ITPK1: variants seen among roughly 807,000 people sequenced by gnomAD.
The protein encoded by ITPK1 is inositol-tetrakisphosphate 1-kinase, also known as inositol 1,3,4-trisphosphate 5/6-kinase.
ITPK1 carries 21 observed loss-of-function variants against 45.3 expected under a neutral mutation model. The ratio of observed to expected loss-of-function variants is 0.46; its 90% CI spans 0.33 to 0.67. The LOEUF (loss-of-function observed/expected upper bound fraction) is 0.67, where lower values mean the gene tolerates loss of function less well. Ranked by LOEUF, ITPK1 falls within the 30% of genes least tolerant of loss-of-function variation. The probability of loss-of-function intolerance (pLI) is 0.02; values close to 1 mark genes in which losing one functional copy is unlikely to be tolerated. For missense variants in ITPK1, 474 were observed against 573.5 expected, an observed-to-expected ratio of 0.83 and a Z score of 1.77; for synonymous variants, 258 against 253.6, an observed-to-expected ratio of 1.02 and a Z score of -0.16.
intron 8 of ITPK1, among the ~76,000 whole-genome samples, chr14:92,952,613 T>C (rs1004723622): frequency 2.0e-5 from 3 of 152,202 alleles, no homozygotes; most frequent in African/African-American, 4.8e-5. Flanking sequence ...AATTTCTCTT[T>C]GGCAACGGAA....
At chr14:93,002,667 G>GA (rs946938111) in intron 4 of ITPK1, among the ~76,000 whole-genome samples, 7 of 151,894 alleles carry the variant, frequency 4.6e-5, no homozygotes, top group African/African-American at 1.7e-4. Flanking sequence ...GAGCATCCAA[G>GA]AAAAAAAATA....
intron 2 of ITPK1, among the ~76,000 whole-genome samples, chr14:93,104,256 T>C (rs745834871): frequency 2.6e-5 from 4 of 152,270 alleles, no homozygotes; most frequent in Non-Finnish European, 5.9e-5. Flanking sequence ...GAGGCCAAGT[T>C]GAGCAGATCA....
chr14:93,090,797 A>C (rs1891837779), intron 2 of ITPK1, among the ~76,000 whole-genome samples: 1 of 152,000 alleles, frequency 6.6e-6, no homozygotes, highest in African/African-American at 2.4e-5. Context: ...AACTCATCTG[A>C]ATTGGATTTT....
At chr14:92,943,462 G>A (rs1342600492) in intron 10 of ITPK1, among the ~76,000 whole-genome samples, 2 of 152,194 alleles carry the variant, frequency 1.3e-5, no homozygotes, top group African/African-American at 2.4e-5. Flanking sequence ...CATAGGACCC[G>A]GGGTGTCCGT....
intron 3 of ITPK1, among the ~76,000 whole-genome samples, chr14:93,075,571 C>T (rs1265980471): frequency 6.6e-6 from 1 of 152,132 alleles, no homozygotes; most frequent in Non-Finnish European, 1.5e-5. Flanking sequence ...TCAACCAGCC[C>T]CAGTCTGGTC....
chr14:93,025,453 C>G (rs561694318), intron 3 of ITPK1, among the ~76,000 whole-genome samples: 83 of 152,306 alleles, frequency 5.4e-4, no homozygotes, highest in Non-Finnish European at 9.1e-4. Context: ...ACGGTTTTCT[C>G]AACTATTTTT....
At chr14:93,028,650 G>C (rs1045879619) in intron 3 of ITPK1, among the ~76,000 whole-genome samples, 3 of 152,190 alleles carry the variant, frequency 2.0e-5, no homozygotes, top group Admixed American at 1.3e-4. Context: ...CACCAAGCCT[G>C]GCCCAGAGCA....
At chr14:93,096,069 G>A (rs1224588965) in intron 2 of ITPK1, among the ~76,000 whole-genome samples, 1 of 152,144 alleles carries the variant, frequency 6.6e-6, no homozygotes, top group African/African-American at 2.4e-5. Context: ...GGCCCTGCCT[G>A]CTTCCTCACG....
At chr14:92,997,389 A>C (rs761264330) in intron 4 of ITPK1, among the ~76,000 whole-genome samples, 2 of 152,226 alleles carry the variant, frequency 1.3e-5, no homozygotes, top group Non-Finnish European at 2.9e-5. Flanking sequence ...AAAGGGGAAA[A>C]CATCTGACAA....
chr14:93,091,890 T>A (rs1413703088), intron 2 of ITPK1, among the ~76,000 whole-genome samples: 1 of 152,166 alleles, frequency 6.6e-6, no homozygotes, highest in Non-Finnish European at 1.5e-5. Context: ...GCGCCACTCC[T>A]GGGCAGCACT....
chr14:92,947,753 G>T (rs1039489050), intron 9 of ITPK1, among the ~76,000 whole-genome samples: 6 of 152,190 alleles, frequency 3.9e-5, no homozygotes, highest in African/African-American at 7.2e-5. Flanking sequence ...TGGGGGTTGT[G>T]GGCTTAGGGG....
chr14:93,022,711 A>G (rs1888533529), intron 3 of ITPK1, among the ~76,000 whole-genome samples: 1 of 151,706 alleles, frequency 6.6e-6, no homozygotes, highest in African/African-American at 2.4e-5. Flanking sequence ...GGGTTTCACT[A>G]CTCATCTCTA....
chr14:93,053,455 T>A (rs1890101707), intron 3 of ITPK1, among the ~76,000 whole-genome samples: 1 of 152,152 alleles, frequency 6.6e-6, no homozygotes, highest in African/African-American at 2.4e-5. Flanking sequence ...CTGGATATAA[T>A]TGATGCCACC....
At chr14:93,079,881 A>G (rs1891370209) in intron 2 of ITPK1, among the ~76,000 whole-genome samples, 1 of 152,196 alleles carries the variant, frequency 6.6e-6, no homozygotes, top group Non-Finnish European at 1.5e-5. Flanking sequence ...TTCCTCCTGA[A>G]AACCCTGGCT....
intron 9 of ITPK1, 42 bp downstream of exon 9, chr14:92,951,904 G>A (rs2139716958): frequency 1.3e-6 from 2 of 1,504,656 alleles, no homozygotes; most frequent in African/African-American, 1.4e-5. Context: ...AGGCCCACGG[G>A]AGGGCAGTTT....
intron 5 of ITPK1, among the ~76,000 whole-genome samples, chr14:92,986,941 C>A (rs1294893971): frequency 2.6e-5 from 4 of 152,188 alleles, no homozygotes; most frequent in Non-Finnish European, 2.9e-5. Flanking sequence ...TCATGGGGGT[C>A]ACTGCAAGCC....
At chr14:93,040,680 C>CA (rs1346244023) in intron 3 of ITPK1, among the ~76,000 whole-genome samples, 2 of 152,136 alleles carry the variant, frequency 1.3e-5, no homozygotes, top group Non-Finnish European at 2.9e-5. Context: ...GCCCCCCTCT[C>CA]CCCCCCGCAG....
In ITPK1 at chr14:92,941,832, G is replaced by A; in HGVS notation, c.974C>T (p.Thr325Ile). 1 of 1,612,230 alleles carries A rather than the reference G, an allele frequency of 6.2e-7. No homozygotes were observed. Among genetic ancestry groups the A allele is most frequent in the Non-Finnish European group, 8.5e-7 (1 of 1,179,800 alleles). ...CACGTCCCCTGTGGCTGCCATGGCT[G>A]TGCTCTGGCCCTGCAGGACAGTGGC... ...HIATVLQGQS[T>I]AMAATGDVAL... Residue 325 changes from threonine (T) to isoleucine (I), a missense_variant, in exon 11 of 11, where the codon ACA (threonine) becomes ATA (isoleucine). Around this residue, in one of 2 missense-constraint regions of ITPK1, gnomAD observed 367 missense variants for 480.6 expected, o/e 0.76. Transcript: ENST00000267615.
chr14:92,968,024 T>C (rs1320520887), intron 5 of ITPK1, among the ~76,000 whole-genome samples: 1 of 152,108 alleles, frequency 6.6e-6, no homozygotes, highest in Non-Finnish European at 1.5e-5. Context: ...CAGAACTAGA[T>C]GTACACTTAA....
Sources: allele counts gnomAD v4.1 joint callset (sites outside exome capture counted in the v4.1 genomes callset), GRCh38; gene constraint gnomAD v4.1.1; regional missense constraint gnomAD v4.1.1; transcripts MANE v1.5; gene names NCBI Gene and HGNC (gene_info 2026-07-23, HGNC 2026-07-21).